Variants in ME1 observed in about 807,000 individuals in gnomAD.
ME1 encodes the protein NADP-dependent malic enzyme.
Under a neutral mutation model 66.4 loss-of-function variants are expected in ME1, and 74 were observed. The observed-to-expected ratio is 1.11, with a 90% confidence interval of 0.92 to 1.35. ME1 has a LOEUF of 1.35. ME1 is among the 40% of genes most tolerant of loss of function. ME1 has a pLI of 0.00. For synonymous variants in ME1, 251 were observed against 235.6 expected, an observed-to-expected ratio of 1.07 and a Z score of -0.60; for missense variants, 750 against 694.1, an observed-to-expected ratio of 1.08 and a Z score of -0.90.
intron 6 of ME1, among the ~76,000 whole-genome samples, chr6:83,304,975 C>T (rs1039419275): frequency 1.4e-4 from 21 of 152,280 alleles, no homozygotes; most frequent in African/African-American, 5.1e-4. Flanking sequence ...GAGGGATAAT[C>T]TGCTTCTGGG....
At chr6:83,409,265 T>G (rs1770002577) in intron 1 of ME1, among the ~76,000 whole-genome samples, 1 of 152,226 alleles carries the variant, frequency 6.6e-6, no homozygotes, top group Admixed American at 6.5e-5. Context: ...ATAGTTAGTT[T>G]TGCTCATTGT....
rs575817889 is a variant in ME1, at chr6:83,319,226, C to T, written c.601-3813G>A. On this transcript the variant is annotated intron_variant, in intron 5 of 13. Transcript: ENST00000369705. ...CTAGATGACGAGTTAGTGGGTGCAG[C>T]GCACCAGCATGGCACATGTATATGT... Among the ~76,000 whole-genome samples, 101 of 150,718 alleles carry T rather than the reference C, an allele frequency of 6.7e-4. 1 individual carries two copies. The highest frequency in any genetic ancestry group is 5.8e-3 in the East Asian group (30 of 5,136).
At chr6:83,393,619 A>AG (rs1769674572) in intron 3 of ME1, among the ~76,000 whole-genome samples, 2 of 152,014 alleles carry the variant, frequency 1.3e-5, no homozygotes, top group Admixed American at 1.3e-4. Context: ...AAAAAAAAAA[A>AG]AACTTGTTGC....
chr6:83,284,142 G>T (rs944590686), intron 6 of ME1, among the ~76,000 whole-genome samples: 1 of 152,010 alleles, frequency 6.6e-6, no homozygotes, highest in Non-Finnish European at 1.5e-5. Flanking sequence ...TAGAGAAAAT[G>T]GATAAATTCC....
chr6:83,278,827 A>G (rs2128532566), intron 6 of ME1, among the ~76,000 whole-genome samples: 1 of 152,232 alleles, frequency 6.6e-6, no homozygotes, highest in Admixed American at 6.5e-5. Flanking sequence ...AAGAGAAACT[A>G]TTTTACCAGA....
intron 2 of ME1, among the ~76,000 whole-genome samples, chr6:83,406,373 T>G (rs1376960705): frequency 3.3e-5 from 5 of 152,222 alleles, no homozygotes; most frequent in Admixed American, 3.3e-4. Flanking sequence ...TCCCTCCTTT[T>G]CGATTGTTTG....
At chr6:83,314,113 C>A (rs1453791078) in intron 6 of ME1, among the ~76,000 whole-genome samples, 2 of 152,008 alleles carry the variant, frequency 1.3e-5, no homozygotes, top group Non-Finnish European at 2.9e-5. Context: ...TACACAGTAA[C>A]CAAGGGATGA....
chr6:83,373,737 A>G (rs1769236239), intron 3 of ME1, among the ~76,000 whole-genome samples: 1 of 152,076 alleles, frequency 6.6e-6, no homozygotes, highest in South Asian at 2.1e-4. Context: ...CCCTGCATGC[A>G]CTAGCTATTT....
At chr6:83,219,740 A>ATTT (rs11324255) in intron 12 of ME1, among the ~76,000 whole-genome samples, 48 of 133,206 alleles carry the variant, frequency 3.6e-4, no homozygotes, top group African/African-American at 1.3e-3. Context: ...TGCCCAACTA[A>ATTT]TTTTTTTTTT....
intron 6 of ME1, among the ~76,000 whole-genome samples, chr6:83,282,039 T>G (rs1767306998): frequency 6.6e-6 from 1 of 151,170 alleles, no homozygotes; most frequent in African/African-American, 2.4e-5. Flanking sequence ...ATTGAAAGTT[T>G]CATCAATAGA....
intron 9 of ME1, among the ~76,000 whole-genome samples, chr6:83,235,706 T>C (rs1037581363): frequency 3.3e-5 from 5 of 152,152 alleles, no homozygotes; most frequent in South Asian, 2.1e-4. Flanking sequence ...TCTCCTGACC[T>C]CGTGATCCAC....
chr6:83,333,600 CAT>C (rs1324607430), intron 5 of ME1, among the ~76,000 whole-genome samples: 1 of 152,128 alleles, frequency 6.6e-6, no homozygotes, highest in Non-Finnish European at 1.5e-5. Context: ...ATATTACTAA[CAT>C]ATTTTGAACT....
At chr6:83,313,714 A>C (rs1187607421) in intron 6 of ME1, among the ~76,000 whole-genome samples, 1 of 152,220 alleles carries the variant, frequency 6.6e-6, no homozygotes, top group Non-Finnish European at 1.5e-5. Context: ...TTCACAAGAT[A>C]AGGCACTTTA....
chr6:83,359,252 C>T (rs1453480594), intron 3 of ME1, among the ~76,000 whole-genome samples: 4 of 152,148 alleles, frequency 2.6e-5, no homozygotes, highest in African/African-American at 9.7e-5. Flanking sequence ...CAGGAGCCAC[C>T]CCCAACACCT....
At chr6:83,361,824 A>G (rs571484428) in intron 3 of ME1, among the ~76,000 whole-genome samples, 1 of 152,298 alleles carries the variant, frequency 6.6e-6, no homozygotes, top group South Asian at 2.1e-4. Context: ...GCAGCATTCC[A>G]TCATCAAATG....
chr6:83,216,567 G>T lies in ME1; in HGVS notation c.1479C>A (p.His493Gln). ...EVIAQQVSDK[H>Q]LEEGRLYPPL... ...GAGGATAAAGCCGACCCTCTTCCAA[G>T]TGTTTATCTGACACTTGCTGAGCTA... Residue 493 changes from histidine to glutamine, a missense_variant, in exon 13 of 14, where the codon CAC becomes CAA. His to Gln is a conservative substitution (Grantham distance 24, BLOSUM62 0). Transcript: ENST00000369705. The T allele has an allele frequency of 6.2e-7, 1 of 1,610,052 alleles. No homozygotes were observed.
chr6:83,356,064 T>G (rs767422465), intron 3 of ME1, among the ~76,000 whole-genome samples: 2 of 152,152 alleles, frequency 1.3e-5, no homozygotes, highest in Non-Finnish European at 2.9e-5. Context: ...TATTCTTACT[T>G]CTTCATGTTA....
intron 7 of ME1, among the ~76,000 whole-genome samples, chr6:83,243,528 C>T (rs1180222): frequency 0.27 from 16,905 of 62,674 alleles, 1,556 homozygotes; most frequent in African/African-American, 0.45. Context: ...TATATTATAT[C>T]GATATAATCT....
At chr6:83,254,902 A>T (rs1766732179) in intron 6 of ME1, among the ~76,000 whole-genome samples, 1 of 152,146 alleles carries the variant, frequency 6.6e-6, no homozygotes, top group African/African-American at 2.4e-5. Context: ...AACCTCTCAG[A>T]ACAGAGAATG....
Sources: gnomAD v4.1 joint callset for allele counts (sites outside exome capture counted in the v4.1 genomes callset) on GRCh38, gnomAD v4.1.1 for gene constraint, MANE v1.5 for transcripts, NCBI Gene and HGNC (gene_info 2026-07-23, HGNC 2026-07-21) for gene names.